The following FHOD3 variants were observed in gnomAD, a reference collection of about 807,000 sequenced individuals.
The protein encoded by FHOD3 is FH1/FH2 domain-containing protein 3.
FHOD3 carries 90 observed loss-of-function variants against 173.0 expected under a neutral mutation model. The observed-to-expected ratio is 0.52, with a 90% CI of 0.44 to 0.62. The LOEUF (loss-of-function observed/expected upper bound fraction) is 0.62. FHOD3 is among the 20% of genes least tolerant of loss of function. The pLI, the probability that FHOD3 is intolerant of heterozygous loss-of-function variation, is 0.00. For missense variants in FHOD3, 1,945 were observed against 2,034.7 expected, an observed-to-expected ratio of 0.96 and a Z score of 0.85; for synonymous variants, 828 against 823.0, an observed-to-expected ratio of 1.01 and a Z score of -0.10.
intron 1 of FHOD3, among the ~76,000 whole-genome samples, chr18:36,325,643 GC>G: frequency 6.6e-6 from 1 of 152,292 alleles, no homozygotes; most frequent in Admixed American, 6.5e-5. Flanking sequence ...TGGGCAGGGT[GC>G]TGTGGGCTGG....
intron 2 of FHOD3, among the ~76,000 whole-genome samples, chr18:36,366,341 G>C (rs1033327989): frequency 6.6e-6 from 1 of 152,090 alleles, no homozygotes; most frequent in South Asian, 2.1e-4. Flanking sequence ...CAGACATTAA[G>C]ACAAATGGAA....
chr18:36,385,295 T>G (rs1355786768), intron 3 of FHOD3, among the ~76,000 whole-genome samples: 3 of 152,224 alleles, frequency 2.0e-5, no homozygotes, highest in Non-Finnish European at 4.4e-5. Flanking sequence ...TCTTACAAAA[T>G]GGAGTTGGCC....
intron 20 of FHOD3, among the ~76,000 whole-genome samples, chr18:36,734,047 A>T (rs970991871): frequency 2.6e-5 from 4 of 152,134 alleles, no homozygotes; most frequent in African/African-American, 9.7e-5. Context: ...AGGGAGAGAC[A>T]TGTATGCAGC....
chr18:36,571,279 A>C (rs1337757279), intron 5 of FHOD3, among the ~76,000 whole-genome samples: 1 of 152,224 alleles, frequency 6.6e-6, no homozygotes, highest in Non-Finnish European at 1.5e-5. Flanking sequence ...ATAGCTCCAA[A>C]GAATGTGAAC....
chr18:36,476,966 A>G lies in FHOD3; in HGVS notation c.338-24966A>G, dbSNP rs558420542. 1.9e-3 allele frequency among the ~76,000 whole-genome samples: 291 copies of G among 152,360 alleles called. 3 individuals carry two copies. The highest frequency in any genetic ancestry group is 6.6e-3 in the African/African-American group (276 of 41,584). On this transcript the variant is annotated intron_variant, in intron 3 of 28. Coordinates refer to ENST00000590592, the MANE Select transcript of FHOD3 (RefSeq NM_001281740.3). ...TGAGGAAGTAAGACCTGCACACAGT[A>G]AGACTGCCATACAGTGTCATAAATA...
At chr18:36,381,942 C>T (rs2047813203) in intron 3 of FHOD3, among the ~76,000 whole-genome samples, 1 of 152,168 alleles carries the variant, frequency 6.6e-6, no homozygotes, top group African/African-American at 2.4e-5. Flanking sequence ...CTGTCATTTT[C>T]AGGAGCATGT....
At chr18:36,512,621 G>A (rs896275356) in intron 5 of FHOD3, 78 bp downstream of exon 5, 2 of 1,038,090 alleles carry the variant, frequency 1.9e-6, no homozygotes, top group African/African-American at 3.2e-5. Flanking sequence ...CTTAACTACT[G>A]AGAGCTTTTT....
intron 3 of FHOD3, among the ~76,000 whole-genome samples, chr18:36,496,856 A>G (rs1188995733): frequency 6.6e-6 from 1 of 152,260 alleles, no homozygotes; most frequent in Non-Finnish European, 1.5e-5. Context: ...GGATAAAAAA[A>G]GTTACAATGT....
chr18:36,607,805 C>T (rs114700912), intron 8 of FHOD3, among the ~76,000 whole-genome samples: 322 of 152,272 alleles, frequency 2.1e-3, no homozygotes, highest in African/African-American at 6.9e-3. Context: ...AGCCCTAGGA[C>T]ATTGACATAT....
intron 14 of FHOD3, among the ~76,000 whole-genome samples, chr18:36,661,624 C>G (rs1320478644): frequency 6.6e-6 from 1 of 152,134 alleles, no homozygotes; most frequent in Non-Finnish European, 1.5e-5. Context: ...CTTCAGGCAC[C>G]TCGGCCCACT....
intron 9 of FHOD3, 60 bp from the exon 10 acceptor site, chr18:36,625,451 C>T: frequency 7.5e-7 from 1 of 1,328,582 alleles, no homozygotes; most frequent in Non-Finnish European, 9.9e-7. Context: ...GCAGTCACAC[C>T]TGAGGTCTGT....
chr18:36,482,234 T>C (rs1200075312), intron 3 of FHOD3, among the ~76,000 whole-genome samples: 1 of 152,204 alleles, frequency 6.6e-6, no homozygotes, highest in East Asian at 1.9e-4. Flanking sequence ...GGAGCCTACA[T>C]TTCAGTGGGG....
intron 22 of FHOD3, among the ~76,000 whole-genome samples, chr18:36,743,413 T>G (rs777927410): frequency 1.2e-4 from 19 of 152,014 alleles, no homozygotes; most frequent in Non-Finnish European, 2.4e-4. Context: ...TGATTCTTTA[T>G]GAAGTGTAAC....
intron 5 of FHOD3, among the ~76,000 whole-genome samples, chr18:36,543,879 C>G (rs746180400): frequency 8.5e-5 from 13 of 152,244 alleles, no homozygotes; most frequent in Non-Finnish European, 1.5e-4. Context: ...TATTTCTAAT[C>G]TCTTTCAGTT....
chr18:36,556,207 A>G (rs1354308590), intron 5 of FHOD3, among the ~76,000 whole-genome samples: 1 of 151,980 alleles, frequency 6.6e-6, no homozygotes, highest in African/African-American at 2.4e-5. Flanking sequence ...TGGTTGCTTT[A>G]GGGTTTATAG....
chr18:36,315,759 G>T, intron 1 of FHOD3, among the ~76,000 whole-genome samples: 1 of 152,108 alleles, frequency 6.6e-6, no homozygotes, highest in South Asian at 2.1e-4. Context: ...CCAGATCTGC[G>T]ATGTCCTAGT....
At chr18:36,402,747 T>G (rs969407321) in intron 3 of FHOD3, among the ~76,000 whole-genome samples, 3 of 152,168 alleles carry the variant, frequency 2.0e-5, no homozygotes, top group African/African-American at 4.8e-5. Context: ...TTGTGCAGAG[T>G]GGAAAGGAAT....
At chr18:36,564,848 ATTCT>A (rs774719268) in intron 5 of FHOD3, among the ~76,000 whole-genome samples, 2 of 152,296 alleles carry the variant, frequency 1.3e-5, no homozygotes, top group East Asian at 3.9e-4. Flanking sequence ...GAAAATGGTC[ATTCT>A]AAGGTAGAGA....
chr18:36,735,952 A>G (rs1181514384), intron 20 of FHOD3, among the ~76,000 whole-genome samples: 2 of 152,262 alleles, frequency 1.3e-5, no homozygotes, highest in Admixed American at 6.5e-5. Flanking sequence ...TGACTTTCAG[A>G]TACAAAAGCA....
Sources: allele counts gnomAD v4.1 joint callset (sites outside exome capture counted in the v4.1 genomes callset), GRCh38; gene constraint gnomAD v4.1.1; transcripts MANE v1.5; gene names NCBI Gene and HGNC (gene_info 2026-07-23, HGNC 2026-07-21).